The following PCLO variants were observed in gnomAD, a reference collection of about 807,000 sequenced individuals.
PCLO encodes the protein protein piccolo.
PCLO carries 82 observed loss-of-function variants against 427.5 expected under a neutral mutation model. The ratio of observed to expected loss-of-function variants is 0.19; its 90% confidence interval spans 0.16 to 0.23. The LOEUF (loss-of-function observed/expected upper bound fraction) is 0.23. Among genes scored for constraint, PCLO ranks in the 10% least tolerant of loss-of-function variants. The pLI is 1.00. For synonymous variants in PCLO, 2,357 were observed against 2,155.4 expected, an observed-to-expected ratio of 1.09 and a Z score of -2.59; for missense variants, 6,239 against 6,115.9, an observed-to-expected ratio of 1.02 and a Z score of -0.67.
intron 3 of PCLO, among the ~76,000 whole-genome samples, chr7:83,101,074 T>C (rs17157158): frequency 0.46 from 69,602 of 151,630 alleles, 16,388 homozygotes; most frequent in East Asian, 0.71. Context: ...TTCAAGGTCC[T>C]TTACTAAACT....
intron 3 of PCLO, among the ~76,000 whole-genome samples, chr7:83,025,444 TG>T (rs1788467718): frequency 6.6e-6 from 1 of 151,110 alleles, no homozygotes; most frequent in African/African-American, 2.4e-5. Context: ...CCAAGAAATA[TG>T]GGACTATGTG....
chr7:82,847,318 A>G, intron 10 of PCLO, 71 bp from the exon 11 acceptor site: 1 of 819,006 alleles, frequency 1.2e-6, no homozygotes, highest in South Asian at 1.6e-5. Context: ...GGCATTGAAG[A>G]CATTTATTTG....
At chr7:82,990,880 T>C (rs1406721518) in intron 3 of PCLO, among the ~76,000 whole-genome samples, 2 of 152,092 alleles carry the variant, frequency 1.3e-5, no homozygotes, top group East Asian at 3.9e-4. Flanking sequence ...ATGTCATACA[T>C]ATCCATAACA....
At chr7:82,774,573 T>C (rs1318906606) in intron 22 of PCLO, among the ~76,000 whole-genome samples, 10 of 152,162 alleles carry the variant, frequency 6.6e-5, no homozygotes. Context: ...ACTTTAATAA[T>C]TTTTTTAAAG....
chr7:82,923,933 G>T (rs1045287307), intron 6 of PCLO, among the ~76,000 whole-genome samples: 2 of 151,930 alleles, frequency 1.3e-5, no homozygotes, highest in African/African-American at 4.8e-5. Context: ...GTACCCACTA[G>T]ATACCATCAG....
chr7:82,923,009 TTC>T (rs1794633486), intron 6 of PCLO, among the ~76,000 whole-genome samples: 1 of 152,038 alleles, frequency 6.6e-6, no homozygotes, highest in Non-Finnish European at 1.5e-5. Flanking sequence ...GAGATGTGGA[TTC>T]TTTTTCAAAC....
At chr7:83,082,721 CATT>C (rs1308631191) in intron 3 of PCLO, among the ~76,000 whole-genome samples, 1 of 151,510 alleles carries the variant, frequency 6.6e-6, no homozygotes, top group Admixed American at 6.6e-5. Context: ...GATCATTACA[CATT>C]ATAAGCTTGT....
chr7:82,823,291 A>G (rs555753605), intron 19 of PCLO, among the ~76,000 whole-genome samples: 1 of 152,230 alleles, frequency 6.6e-6, no homozygotes, highest in East Asian at 1.9e-4. Context: ...TATGATATCA[A>G]CTCAGTGGCC....
chr7:83,002,144 T>A (rs552107325), intron 3 of PCLO, among the ~76,000 whole-genome samples: 1 of 152,110 alleles, frequency 6.6e-6, no homozygotes, highest in East Asian at 1.9e-4. Flanking sequence ...CTCCTTTCTT[T>A]CTAGTACTCC....
chr7:83,122,612 T>C (rs1002370708), intron 3 of PCLO, among the ~76,000 whole-genome samples: 2 of 152,272 alleles, frequency 1.3e-5, no homozygotes, highest in East Asian at 3.9e-4. Context: ...ACCACTGTTA[T>C]TCAACGTAGT....
chr7:83,065,885 A>G (rs182822328), intron 3 of PCLO, among the ~76,000 whole-genome samples: 1 of 152,206 alleles, frequency 6.6e-6, no homozygotes. Context: ...TTCTTTAACA[A>G]TGGGGAACAA....
intron 8 of PCLO, among the ~76,000 whole-genome samples, chr7:82,905,719 A>G (rs1794173601): frequency 2.0e-5 from 3 of 151,956 alleles, no homozygotes; most frequent in Admixed American, 6.6e-5. Context: ...AAAACAGAAC[A>G]TTCAAATTCC....
At chr7:82,841,558 TAATTTATCA>T in intron 13 of PCLO, 49 bp from the exon 14 acceptor site, 1 of 1,130,028 alleles carries the variant, frequency 8.8e-7, no homozygotes, top group Non-Finnish European at 1.3e-6. Flanking sequence ...ATTTTTCACA[TAATTTATCA>T]TTTCGGCTTC....
Position 83,135,166 on chromosome 7 carries a change from AGAG to A in PCLO, c.2381_2383del (p.Pro794del). 6.2e-7 allele frequency: 1 copy of A among 1,613,850 alleles called. No individual in the cohort carries two copies. Among genetic ancestry groups the A allele is most frequent in the Non-Finnish European group, 8.5e-7 (1 of 1,179,880 alleles). On this transcript the variant is annotated inframe_deletion, in exon 3 of 25. Transcript: ENST00000333891. The stretch of plus-strand genomic sequence containing the variant: ...TGAGGGTTTGGCAGAGTCTGTTTTT[AGAG>A]GAGGGGTTGTTTTCTCTTCAGCTTG...
intron 3 of PCLO, among the ~76,000 whole-genome samples, chr7:83,096,994 AT>A (rs1790587862): frequency 4.2e-5 from 2 of 47,860 alleles, no homozygotes; most frequent in African/African-American, 2.2e-4. Context: ...TAAATAATAT[AT>A]ATTATATAAA....
chr7:83,025,591 G>A (rs1329073142), intron 3 of PCLO, among the ~76,000 whole-genome samples: 8 of 152,062 alleles, frequency 5.3e-5, no homozygotes, highest in Non-Finnish European at 4.4e-5. Context: ...TCAGATTCAG[G>A]AAATACAGAG....
intron 6 of PCLO, among the ~76,000 whole-genome samples, chr7:82,937,384 T>C (rs1052220459): frequency 1.7e-4 from 25 of 151,442 alleles, no homozygotes; most frequent in African/African-American, 6.0e-4. Flanking sequence ...TCACTTTGTA[T>C]AAAATAATAA....
intron 3 of PCLO, among the ~76,000 whole-genome samples, chr7:82,976,870 T>C (rs1350145810): frequency 6.6e-6 from 1 of 152,176 alleles, no homozygotes; most frequent in Non-Finnish European, 1.5e-5. Flanking sequence ...ATTATAATTG[T>C]TTATTTTTTC....
rs1250091855 is a variant in PCLO at position 82,845,430 on chromosome 7, C to T, written c.13887G>A (p.Gln4629=). 3.1e-6 allele frequency: 5 copies of T among 1,613,132 alleles called. No individual in the cohort carries two copies. In the African/African-American group the frequency reaches 5.3e-5, roughly 17 times the overall value. The part of the protein sequence containing the change: ...VDPKQLAAEL[Q]KVSLQQSPLV... ...GCGGTGACTGCTGTAGTGAAACCTT[C>T]TGGAGTTCTGCTGCCAACTGCTTAG... The change falls in exon 13 of 25, where the codon CAG becomes CAA. Residue 4629 remains glutamine (Q), a synonymous_variant. Transcript: ENST00000333891.
Sources: allele counts gnomAD v4.1 joint callset (sites outside exome capture counted in the v4.1 genomes callset), GRCh38; gene constraint gnomAD v4.1.1; transcripts MANE v1.5; gene names NCBI Gene and HGNC (gene_info 2026-07-23, HGNC 2026-07-21).